The following TOP1MT variants were observed in gnomAD, a reference collection of about 807,000 sequenced individuals.
TOP1MT encodes the protein DNA topoisomerase I mitochondrial, also known as DNA topoisomerase I, mitochondrial.
Under a neutral mutation model 73.9 loss-of-function variants are expected in TOP1MT, and 80 were observed. The ratio of observed to expected loss-of-function variants is 1.08; its 90% CI spans 0.90 to 1.30. The LOEUF (loss-of-function observed/expected upper bound fraction) is 1.30, where lower values mean the gene tolerates loss of function less well. Ranked by LOEUF, TOP1MT falls within the 50% of genes most tolerant of loss-of-function variation. The pLI, the probability that TOP1MT is intolerant of heterozygous loss-of-function variation, is 0.00. For synonymous variants in TOP1MT, 338 were observed against 326.4 expected (o/e 1.04, Z -0.38); for missense variants, 815 against 808.0 (o/e 1.01, Z -0.10).
intron 4 of TOP1MT, 97 bp from the exon 5 acceptor site, chr8:143,325,630 G>A (rs1816687121): frequency 6.1e-6 from 7 of 1,151,054 alleles, no homozygotes; most frequent in Non-Finnish European, 8.7e-6. Flanking sequence ...GCTCTGTCTG[G>A]CTAACTCAGC....
chr8:143,315,400 G>A (rs13260989), intron 12 of TOP1MT, among the ~76,000 whole-genome samples: 57,062 of 151,728 alleles, frequency 0.38, 13,323 homozygotes, highest in East Asian at 0.68. Context: ...GAAGGGCCCC[G>A]TGTCCAGTGG....
chr8:143,334,836 A>G lies in TOP1MT; in HGVS notation c.26T>C (p.Leu9Pro), dbSNP rs1435384236. The G allele has an allele frequency of 6.6e-7, 1 of 1,504,034 alleles. No homozygotes were observed. The highest frequency in any genetic ancestry group is 8.8e-7 in the Non-Finnish European group (1 of 1,142,038). 93.2% of individuals were successfully genotyped at this position (1,504,034 alleles called of 1,614,324 possible). Residue 9 changes from leucine to proline, a missense_variant, in exon 1 of 14, where the codon CTC becomes CCC. Leu to Pro is a moderately conservative substitution (Grantham distance 98). Transcript: ENST00000329245. MRVVRLLR[L>P]RAALTLLGEV... ...CCCGAGCAGCGTCAGAGCCGCCCGG[A>G]GCCGCAGCAGCCGCACCACGCGCAT...
upstream of TOP1MT, among the ~76,000 whole-genome samples, chr8:143,347,119 G>T (rs564039172): frequency 6.6e-6 from 1 of 151,862 alleles, no homozygotes; most frequent in East Asian, 1.9e-4. Context: ...CAAGCAGCTG[G>T]GATTACAGGC....
intron 5 of TOP1MT, 24 bp from the exon 6 acceptor site, chr8:143,324,653 CA>C (rs1563762534): frequency 6.2e-7 from 1 of 1,609,902 alleles, no homozygotes; most frequent in Non-Finnish European, 8.5e-7. Context: ...ACGACCCAAA[CA>C]TAACTTGGAG....
upstream of TOP1MT, among the ~76,000 whole-genome samples, chr8:143,359,004 TC>T (rs1817459134): frequency 4.6e-5 from 7 of 151,670 alleles, no homozygotes; most frequent in African/African-American, 1.7e-4. Flanking sequence ...TTTTTTGTTT[TC>T]TGTTTTTTGG....
intron 8 of TOP1MT, among the ~76,000 whole-genome samples, chr8:143,319,128 C>T (rs927445385): frequency 3.3e-5 from 5 of 152,060 alleles, no homozygotes; most frequent in Non-Finnish European, 5.9e-5. Context: ...CTCCTACCTC[C>T]GATTAATTCA....
At chr8:143,332,252 G>A (rs750708756) in intron 1 of TOP1MT, among the ~76,000 whole-genome samples, 3 of 152,234 alleles carry the variant, frequency 2.0e-5, no homozygotes, top group African/African-American at 7.2e-5. Context: ...TCTGAGATGG[G>A]CCTGGGAGAA....
chr8:143,311,200 C>T (rs1816007113), intron 12 of TOP1MT, among the ~76,000 whole-genome samples: 1 of 149,722 alleles, frequency 6.7e-6, no homozygotes, highest in African/African-American at 2.5e-5. Flanking sequence ...AACTCCCAAC[C>T]TCAAGTGATC....
rs573509212 is a variant in TOP1MT, at chr8:143,323,087, C to G, written c.960+912G>C. Among the ~76,000 whole-genome samples the G allele has an allele frequency of 9.9e-3, 1,369 of 138,216 alleles. 38 individuals are homozygous for G. The highest frequency in any genetic ancestry group is 0.038 in the African/African-American group (1,314 of 34,392). 90.7% of individuals were successfully genotyped at this position (138,216 alleles called of 152,430 possible). A position where few individuals can be genotyped will look rare whatever the true frequency, so the allele number is the denominator to read the frequency against. ...GCACACCACACACGCACGCCACACA[C>G]AGGCATGCCAAACACGCACGCCACA... On this transcript the variant is annotated intron_variant, in intron 7 of 13. Transcript: ENST00000329245.
At chr8:143,334,662 G>C (rs548837899) in intron 1 of TOP1MT, 78 bp downstream of exon 1, 5 of 1,563,720 alleles carry the variant, frequency 3.2e-6, no homozygotes, top group Non-Finnish European at 4.3e-6. Flanking sequence ...CGTCCCACGA[G>C]GCCTGCCACT....
chr8:143,347,591 C>T (rs1220875789), upstream of TOP1MT, among the ~76,000 whole-genome samples: 2 of 152,210 alleles, frequency 1.3e-5, no homozygotes, highest in Non-Finnish European at 2.9e-5. Flanking sequence ...CCAGGCCTCA[C>T]CTCTTAAAAG....
chr8:143,309,940 C>T, intron 13 of TOP1MT, 128 bp downstream of exon 13: 1 of 1,596,402 alleles, frequency 6.3e-7, no homozygotes, highest in Non-Finnish European at 8.5e-7. Context: ...GTCCCTGTCA[C>T]AGGGAGGGCC....
chr8:143,317,894 C>T (rs1282124616), intron 9 of TOP1MT, 57 bp from the exon 10 acceptor site: 9 of 1,600,672 alleles, frequency 5.6e-6, no homozygotes, highest in African/African-American at 1.3e-5. Flanking sequence ...TCCCAGCCTC[C>T]CGCGGGAAGG....
intron 7 of TOP1MT, among the ~76,000 whole-genome samples, chr8:143,322,642 G>GCACA (rs1816499640): frequency 2.1e-4 from 2 of 9,556 alleles, no homozygotes; most frequent in Non-Finnish European, 4.4e-4. Flanking sequence ...ACACACACAC[G>GCACA]CCACACGCAC....
chr8:143,320,750 C>T (rs1816308681), intron 8 of TOP1MT, among the ~76,000 whole-genome samples: 1 of 152,158 alleles, frequency 6.6e-6, no homozygotes, highest in African/African-American at 2.4e-5. Context: ...AGCCTCAGGC[C>T]AAGGACACGC....
At chr8:143,349,215 A>G (rs1475291842), upstream of TOP1MT, among the ~76,000 whole-genome samples, 3 of 152,112 alleles carry the variant, frequency 2.0e-5, no homozygotes, top group Admixed American at 1.3e-4. Flanking sequence ...CATTATACAA[A>G]TTGAGCTTTT....
At chr8:143,321,999 CCA>C (rs1801549039) in intron 7 of TOP1MT, among the ~76,000 whole-genome samples, 1 of 116,628 alleles carries the variant, frequency 8.6e-6, no homozygotes, top group Non-Finnish European at 1.7e-5. Flanking sequence ...CACATGCACG[CCA>C]CACACATGCA....
At chr8:143,334,689 C>T (rs779748063) in intron 1 of TOP1MT, 51 bp downstream of exon 1, 1 of 1,594,518 alleles carries the variant, frequency 6.3e-7, no homozygotes, top group Non-Finnish European at 8.5e-7. Context: ...TCTGGACCTA[C>T]CCAAGCCCGG....
chr8:143,353,358 G>A (rs896025835), intron 1 of TOP1MT, among the ~76,000 whole-genome samples: 7 of 151,648 alleles, frequency 4.6e-5, no homozygotes, highest in African/African-American at 1.2e-4. Flanking sequence ...CAAGGCTGCA[G>A]TGAGCTATGA....
Sources: gnomAD v4.1 joint callset for allele counts (sites outside exome capture counted in the v4.1 genomes callset) on GRCh38, gnomAD v4.1.1 for gene constraint, MANE v1.5 for transcripts, NCBI Gene and HGNC (gene_info 2026-07-23, HGNC 2026-07-21) for gene names.